Variants in EVPL observed in about 807,000 individuals in gnomAD.
EVPL encodes 210 kDa cornified envelope precursor protein.
Under a neutral mutation model 129.7 loss-of-function variants are expected in EVPL, and 94 were observed. The ratio of observed to expected loss-of-function variants is 0.72; its 90% CI spans 0.61 to 0.86. The LOEUF is 0.86. Ranked by LOEUF, EVPL falls within the 40% of genes least tolerant of loss-of-function variation. The pLI is 0.00. For missense variants in EVPL, 2,625 were observed against 2,721.1 expected, an observed-to-expected ratio of 0.96 and a Z score of 0.79; for synonymous variants, 1,172 against 1,191.1, an observed-to-expected ratio of 0.98 and a Z score of 0.33.
chr17:76,020,784 T>G (rs545907153), intron 9 of EVPL, among the ~76,000 whole-genome samples: 5 of 152,246 alleles, frequency 3.3e-5, no homozygotes, highest in Non-Finnish European at 7.4e-5. Flanking sequence ...CTGGAACTAC[T>G]GGTGTCAAGC....
chr17:76,027,217 T>A lies in EVPL; in HGVS notation c.-19A>T. 1 of 1,572,514 alleles carries A rather than the reference T, an allele frequency of 6.4e-7. No homozygotes were observed. ...TGAACATGGTCGTAAAGGCAAGTGC[T>A]GGCTCAGGCTGGGCTTGGCTGGCGA... On this transcript the variant is annotated 5_prime_UTR_variant, in exon 1 of 22. Coordinates refer to ENST00000301607, the MANE Select transcript of EVPL (RefSeq NM_001988.4).
At position 76,023,336 on chromosome 17, in the gene EVPL, C is replaced by G. The variant is rs576603241; in HGVS notation, c.436G>C (p.Val146Leu). The change falls in exon 4 of 22, where the codon GTG (valine) becomes CTG (leucine). Residue 146 changes from valine (V) to leucine (L), a missense_variant. Around this residue, in one of 4 missense-constraint regions of EVPL, gnomAD observed 1,024 missense variants for 997.5 expected, o/e 1.03. Coordinates refer to ENST00000301607, the MANE Select transcript of EVPL (RefSeq NM_001988.4). ...CGTGCCCAGTCGACCCTGGGTCCCACGTCGGGGGGCAGCACCATCTTCTCG... is the reference window on the plus strand; with the variant it reads ...CGTGCCCAGTCGACCCTGGGTCCCAGGTCGGGGGGCAGCACCATCTTCTCG... Reference protein sequence around the residue: ...LYEKMVLPPDVGPRVDWARVL... With the variant: ...LYEKMVLPPDLGPRVDWARVL... The G allele has an allele frequency of 5.0e-5, 81 of 1,613,928 alleles. 2 individuals carry two copies. The South Asian group carries it at 8.8e-4, about 18-fold the overall frequency.
At chr17:76,017,973 C>G in intron 13 of EVPL, 62 bp from the exon 14 acceptor site, 1 of 1,597,330 alleles carries the variant, frequency 6.3e-7, no homozygotes, top group South Asian at 1.1e-5. Context: ...ATAGGTGCCC[C>G]CACCAGGTGC....
Position 76,014,515 on chromosome 17 carries a change from G to C in EVPL, c.2284C>G (p.Leu762Val), listed in dbSNP as rs770381660. The change falls in exon 18 of 22, where the codon CTG becomes GTG. Residue 762 changes from leucine to valine, a missense_variant. Physicochemically the swap from Leu to Val is conservative, Grantham distance 32 (BLOSUM62 1). Transcript: ENST00000301607. ...GGCAGGTGCTCCAGCCAGGAGCTCA[G>C]GTTATCCTTGCAGTTCTTGAACTGC... ...YQQFKNCKDNLSSWLEHLPRS... is the reference protein window; with the variant it reads ...YQQFKNCKDNVSSWLEHLPRS... The C allele has an allele frequency of 6.2e-7, 1 of 1,612,268 alleles. No individual in the cohort carries two copies. The highest frequency in any genetic ancestry group is 2.2e-5 in the East Asian group (1 of 44,810).
chr17:76,019,966 C>T (rs902644463), intron 9 of EVPL, among the ~76,000 whole-genome samples: 4 of 151,740 alleles, frequency 2.6e-5, no homozygotes, highest in South Asian at 2.1e-4. Context: ...CCACCTAAAC[C>T]GAAACCAGCT....
chr17:76,011,856 G>A lies in EVPL; in HGVS notation c.2484C>T (p.Tyr828=), dbSNP rs773525974. 6.2e-6 allele frequency: 10 copies of A among 1,613,484 alleles called. No homozygotes were observed. In the African/African-American group the frequency reaches 1.1e-4, roughly 17 times the overall value. ...CCAGGGTGGGCTCCAAAGAGCAGCG[G>A]TAGGTGTCTGCCTGGAGCTCATAGT... ...LQDYELQADT[Y]RCSLEPTLAV... is the part of the protein sequence containing the mutation. The change falls in exon 20 of 22, where the codon TAC becomes TAT. Residue 828 remains tyrosine (Y), a synonymous_variant. Coordinates refer to ENST00000301607, the MANE Select transcript of EVPL (RefSeq NM_001988.4).
At position 76,009,893 on chromosome 17, in the gene EVPL, C is replaced by G. The variant is rs200935750; in HGVS notation, c.3312G>C (p.Ala1104=). 6.2e-7 allele frequency: 1 copy of G among 1,614,142 alleles called. No homozygotes were observed. Among genetic ancestry groups the G allele is most frequent in the Non-Finnish European group, 8.5e-7 (1 of 1,180,034 alleles). ...CAGCCTCCTCCGCCTGCTTCCTCCGCGCAGCATCCTCCTCCATCTGCAGCC... is the reference window on the plus strand; with the variant it reads ...CAGCCTCCTCCGCCTGCTTCCTCCGGGCAGCATCCTCCTCCATCTGCAGCC... The part of the protein sequence containing the change: ...ALRLQMEEDA[A]RRKQAEEAVA... Residue 1104 remains alanine, a synonymous_variant, in exon 22 of 22, where the codon GCG becomes GCC. Coordinates refer to ENST00000301607, the MANE Select transcript of EVPL (RefSeq NM_001988.4). This position sits in a 1 kb window ranked among gnomAD's most constrained non-coding sequence, Gnocchi z 5.9.
chr17:76,015,012 T>G lies in EVPL; in HGVS notation c.2126A>C (p.Asn709Thr), dbSNP rs1387722886. The G allele has an allele frequency of 3.1e-6, 5 of 1,596,112 alleles. No individual in the cohort carries two copies. The African/African-American group carries it at 5.4e-5, about 17-fold the overall frequency. The change falls in exon 17 of 22, where the codon AAC (asparagine) becomes ACC (threonine). Residue 709 changes from asparagine (N) to threonine (T), a missense_variant. Transcript: ENST00000301607. Reference sequence around the variant, plus strand: ...CAGGTCTTGGCAGAACTCCTGGAAGTTGTTCTGCAGGGCAGCGCATGCGTG... The same window carrying G: ...CAGGTCTTGGCAGAACTCCTGGAAGGTGTTCTGCAGGGCAGCGCATGCGTG... ...SEHACAALQN[N>T]FQEFCQDLPR...
At position 76,027,096 on chromosome 17, in the gene EVPL, C is replaced by T. The variant is rs202145642; in HGVS notation, c.98+5G>A. Reference sequence around the variant, plus strand: ...CCCGGCTCCCCATCCCCCAGTCCCACTTACCGGCTGTGCCTGCTGGGGGAG... The same window carrying T: ...CCCGGCTCCCCATCCCCCAGTCCCATTTACCGGCTGTGCCTGCTGGGGGAG... On this transcript the variant is annotated splice_donor_5th_base_variant and intron_variant, in intron 1 of 21. Transcript: ENST00000301607. 4.8e-6 allele frequency: 7 copies of T among 1,470,532 alleles called. No homozygotes were observed. The African/African-American group carries it at 1.0e-4, about 21-fold the overall frequency. The allele number at this position is 1,470,532 out of a possible 1,614,324, so 91.1% of individuals were successfully genotyped here.
rs1426805716 is a variant in EVPL, at chr17:76,021,495, C to G, written c.984G>C (p.Gln328His). 2 of 1,610,018 alleles carry G rather than the reference C, an allele frequency of 1.2e-6. No individual in the cohort carries two copies. Among genetic ancestry groups the G allele is most frequent in the African/African-American group, 1.3e-5 (1 of 74,834 alleles). Residue 328 changes from glutamine (Q) to histidine (H), a missense_variant, in exon 9 of 22, where the codon CAG (glutamine) becomes CAC (histidine). By Grantham distance (24) the Gln-to-His change is conservative. This residue lies in a region of EVPL where 1,024 missense variants were observed against 997.5 expected (regional missense o/e 1.03). Transcript: ENST00000301607. ...FLNLCICQET[Q>H]LQHVEDYRRF... ...GGCGGTAGTCCTCCACGTGCTGCAG[C>G]TGGGTCTCCTGGCAGATACACAGGT...
chr17:76,026,300 AG>A (rs2066498044), intron 1 of EVPL, among the ~76,000 whole-genome samples: 1 of 148,534 alleles, frequency 6.7e-6, no homozygotes. Flanking sequence ...GCGGGAGCGC[AG>A]GGGTGTGATC....
rs1405909149 is a variant in EVPL at position 76,010,131 on chromosome 17, TC to T, written c.3073del (p.Asp1025ThrfsTer32). The T allele has an allele frequency of 7.4e-6, 12 of 1,613,918 alleles. 2 individuals carry two copies. In the Admixed American group the frequency reaches 1.7e-4, roughly 22 times the overall value. ...GGCCGCCTGGCTGTCCAGGCCGGGG[TC>T]CCTCTCCACCTGGGTGACCTCCTTG... is the stretch of plus-strand genomic sequence containing the variant. ...LTKEVTQVER[D>X]PGLDSQAAQL... On this transcript the variant is annotated frameshift_variant, in exon 22 of 22. Coordinates refer to ENST00000301607, the MANE Select transcript of EVPL (RefSeq NM_001988.4). LOFTEE classifies it low-confidence loss of function (END_TRUNC).
chr17:76,016,274 G>A (rs1373351615), intron 14 of EVPL, among the ~76,000 whole-genome samples: 1 of 152,226 alleles, frequency 6.6e-6, no homozygotes, highest in African/African-American at 2.4e-5. Flanking sequence ...CTGCTCACAA[G>A]ACCATCAGGT....
At position 76,008,632 on chromosome 17, in the gene EVPL, G is replaced by A. The variant is rs759305677; in HGVS notation, c.4573C>T (p.Arg1525Trp). ...QEKTIYKEVI[R>W]VQKDRVLEDE... Reference sequence around the variant, plus strand: ...TCCAGGACGCGGTCCTTCTGCACCCGGATCACTTCCTTGTAGATGGTCTTC... The same window carrying A: ...TCCAGGACGCGGTCCTTCTGCACCCAGATCACTTCCTTGTAGATGGTCTTC... Residue 1525 changes from arginine to tryptophan, a missense_variant, in exon 22 of 22, where the codon CGG becomes TGG. By Grantham distance (101) the Arg-to-Trp change is moderately radical. Transcript: ENST00000301607. This position sits in a 1 kb window ranked among gnomAD's most constrained non-coding sequence, Gnocchi z 7.4. 6.2e-6 allele frequency: 10 copies of A among 1,612,206 alleles called. No homozygotes were observed. Among genetic ancestry groups the A allele is most frequent in the East Asian group, 2.2e-5 (1 of 44,880 alleles).
chr17:76,011,559 A>G lies in EVPL; in HGVS notation c.2661+17T>C, dbSNP rs910774878. ...TTCCTGGCTATTGTGGGAAAGCTGTAGGTGTTGTCTGTGTACCTTCTCCAG... is the reference window on the plus strand; with the variant it reads ...TTCCTGGCTATTGTGGGAAAGCTGTGGGTGTTGTCTGTGTACCTTCTCCAG... On this transcript the variant is annotated intron_variant, in intron 21 of 21. Transcript: ENST00000301607. 5 of 1,605,092 alleles carry G rather than the reference A, an allele frequency of 3.1e-6. No homozygotes were observed. In the African/African-American group the frequency reaches 4.0e-5, roughly 13 times the overall value.
intron 11 of EVPL, 104 bp downstream of exon 11, chr17:76,018,810 C>T (rs531620399): frequency 4.9e-5 from 66 of 1,359,172 alleles, no homozygotes; most frequent in Admixed American, 1.9e-4. Context: ...CAAAAGTGGG[C>T]GCAGGAGACA....
At chr17:76,019,234 T>G (rs2066440783) in intron 10 of EVPL, among the ~76,000 whole-genome samples, 174 bp from the exon 11 acceptor site, 1 of 152,056 alleles carries the variant, frequency 6.6e-6, no homozygotes, top group Non-Finnish European at 1.5e-5. Flanking sequence ...GATCTGCTAG[T>G]TGCAGGGAGG....
At chr17:76,026,939 G>A (rs912879326) in intron 1 of EVPL, among the ~76,000 whole-genome samples, 162 bp downstream of exon 1, 1 of 152,262 alleles carries the variant, frequency 6.6e-6, no homozygotes, top group East Asian at 1.9e-4. Context: ...CCAAGGCAGG[G>A]AGAGAGTCCA....
At position 76,010,400 on chromosome 17, in the gene EVPL, C is replaced by T. The variant is rs370495741; in HGVS notation, c.2805G>A (p.Leu935=). ...GCAGCAGTTGGCTCCTCTGCGCCTC[C>T]AGCTCATGCTGCACCCGGGCCACCC... ...RKRVARVQHE[L]EAQRSQLLQL... The change falls in exon 22 of 22, where the codon CTG becomes CTA. Residue 935 remains leucine (L), a synonymous_variant. Coordinates refer to ENST00000301607, the MANE Select transcript of EVPL (RefSeq NM_001988.4). The T allele has an allele frequency of 5.0e-6, 8 of 1,613,870 alleles. No individual in the cohort carries two copies. The African/African-American group carries it at 1.1e-4, about 22-fold the overall frequency.
Sources: gnomAD v4.1 joint callset for allele counts (sites outside exome capture counted in the v4.1 genomes callset) on GRCh38, gnomAD v4.1.1 for gene constraint, gnomAD v4.1.1 regional missense constraint, Gnocchi (gnomAD v3.1) non-coding constraint, MANE v1.5 for transcripts, NCBI Gene and HGNC (gene_info 2026-07-23, HGNC 2026-07-21) for gene names.